ZNF835: variants seen among roughly 807,000 people sequenced by gnomAD.
ZNF835 encodes the protein zinc finger protein 835.
For missense variants in ZNF835, 783 were observed against 758.4 expected (o/e 1.03, Z -0.38); for synonymous variants, 323 against 324.7 (o/e 0.99, Z 0.06).
In ZNF835 at chr19:56,664,639, G is replaced by A. The variant is rs1289547269; in HGVS notation, c.560C>T (p.Thr187Met). ...GCGGTGCGGCTTCTCGCCCGTGTGC[G>A]TGCGCCAGTGGGACGCCAGGTACGA... ...QGSYLASHWR[T>M]HTGEKPHRCA... Residue 187 changes from threonine to methionine, a missense_variant, in exon 2 of 2, where the codon ACG becomes ATG. Coordinates refer to ENST00000537055, the MANE Select transcript of ZNF835 (RefSeq NM_001005850.3). 1 of 1,607,524 alleles carries A rather than the reference G, an allele frequency of 6.2e-7. No homozygotes were observed.
chr19:56,670,701 C>A (rs556679454), intron 1 of ZNF835, among the ~76,000 whole-genome samples: 53 of 152,338 alleles, frequency 3.5e-4, no homozygotes, highest in African/African-American at 1.2e-3. Context: ...TCCAGCATAG[C>A]CAAAGCCCAC....
chr19:56,664,198 T>A lies in ZNF835; in HGVS notation c.1001A>T (p.Tyr334Phe). ...HRRIHTGEKP[Y>F]ACGQCAKAFT... Reference sequence around the variant, plus strand: ...GGCCTTGGCGCACTGGCCGCACGCGTAGGGCTTCTCGCCTGTGTGGATGCG... The same window carrying A: ...GGCCTTGGCGCACTGGCCGCACGCGAAGGGCTTCTCGCCTGTGTGGATGCG... The change falls in exon 2 of 2, where the codon TAC (tyrosine) becomes TTC (phenylalanine). Residue 334 changes from tyrosine (Y) to phenylalanine (F), a missense_variant. Transcript: ENST00000537055. 7 of 1,605,922 alleles carry A rather than the reference T, an allele frequency of 4.4e-6. No individual in the cohort carries two copies. Among genetic ancestry groups the A allele is most frequent in the Non-Finnish European group, 6.0e-6 (7 of 1,175,606 alleles).
At chr19:56,669,084 A>G (rs8109952) in intron 1 of ZNF835, among the ~76,000 whole-genome samples, 17,109 of 152,084 alleles carry the variant, frequency 0.11, 2,451 homozygotes, top group African/African-American at 0.34. Context: ...ATCTGCTCTG[A>G]CTGGGAGGCA....
rs1212813525 is a variant in ZNF835 at position 56,662,092 on chromosome 19, C to G, written c.*1493G>C. On this transcript the variant is annotated 3_prime_UTR_variant, in exon 2 of 2. Transcript: ENST00000537055. ...CATGCTTAGGAAGGCTCTTCCTGTG[C>G]TGATCCTAGGCTTGGCTAGGAGGCT... is the stretch of plus-strand genomic sequence containing the variant. The G allele has an allele frequency of 6.6e-6, 1 of 152,178 alleles. No individual in the cohort carries two copies. The highest frequency in any genetic ancestry group is 1.5e-5 in the Non-Finnish European group (1 of 68,046). 9.4% of individuals were successfully genotyped at this position (152,178 alleles called of 1,614,324 possible). A position where few individuals can be genotyped will look rare whatever the true frequency, so the allele number is the denominator to read the frequency against.
chr19:56,666,894 C>A (rs1256850341), intron 1 of ZNF835, among the ~76,000 whole-genome samples: 1 of 152,148 alleles, frequency 6.6e-6, no homozygotes, highest in African/African-American at 2.4e-5. Flanking sequence ...ACAGAATCAG[C>A]CAACAGTGAT....
intron 1 of ZNF835, among the ~76,000 whole-genome samples, chr19:56,670,984 G>C: frequency 6.6e-6 from 1 of 152,272 alleles, no homozygotes; most frequent in Non-Finnish European, 1.5e-5. Flanking sequence ...CACCGATAAA[G>C]TGTTACATGC....
chr19:56,670,421 T>A (rs1568526709), intron 1 of ZNF835, among the ~76,000 whole-genome samples: 1 of 151,862 alleles, frequency 6.6e-6, no homozygotes, highest in Non-Finnish European at 1.5e-5. Context: ...CCCAAACCCA[T>A]ATCCAGGGAC....
chr19:56,666,486 C>T (rs899438806), intron 1 of ZNF835, among the ~76,000 whole-genome samples: 4 of 152,156 alleles, frequency 2.6e-5, no homozygotes, highest in Non-Finnish European at 5.9e-5. Context: ...AGAAGGCAGC[C>T]GTCTGCAAGC....
chr19:56,668,075 G>T (rs1013710927), intron 1 of ZNF835, among the ~76,000 whole-genome samples: 2 of 152,118 alleles, frequency 1.3e-5, no homozygotes, highest in Non-Finnish European at 2.9e-5. Flanking sequence ...TTGGCTCACT[G>T]CAACCTTCAC....
chr19:56,663,656 G>A lies in ZNF835; in HGVS notation c.1543C>T (p.Leu515Phe). Residue 515 changes from leucine to phenylalanine, a missense_variant, in exon 2 of 2, where the codon CTC (leucine) becomes TTC (phenylalanine). By Grantham distance (22) the Leu-to-Phe change is conservative. Coordinates refer to ENST00000537055, the MANE Select transcript of ZNF835 (RefSeq NM_001005850.3). ...PAPTPDSTPG[L>F]SQGGETCQQG... is the part of the protein sequence containing the mutation. ...TGACAGGTTTCTCCTCCCTGTGAGA[G>A]CCCAGGTGTTGAGTCAGGCGTGGGA... 1 of 1,614,048 alleles carries A rather than the reference G, an allele frequency of 6.2e-7. No homozygotes were observed. The highest frequency in any genetic ancestry group is 1.1e-5 in the South Asian group (1 of 91,090).
At position 56,664,947 on chromosome 19, in the gene ZNF835, G is replaced by A; in HGVS notation, c.252C>T (p.Ser84=). ...VPDDSSSRRC[S]APGESPKERH... Reference sequence around the variant, plus strand: ...TCTCCTTCGGGCTCTCCCCAGGCGCGCTGCACCTCCGGGAACTGCTGTCGT... The same window carrying A: ...TCTCCTTCGGGCTCTCCCCAGGCGCACTGCACCTCCGGGAACTGCTGTCGT... Residue 84 remains serine, a synonymous_variant, in exon 2 of 2, where the codon AGC becomes AGT. Coordinates refer to ENST00000537055, the MANE Select transcript of ZNF835 (RefSeq NM_001005850.3). The A allele has an allele frequency of 6.2e-7, 1 of 1,614,024 alleles. No individual in the cohort carries two copies. Among genetic ancestry groups the A allele is most frequent in the Non-Finnish European group, 8.5e-7 (1 of 1,179,894 alleles).
At chr19:56,671,054 G>T (rs1464541041) in intron 1 of ZNF835, among the ~76,000 whole-genome samples, 4 of 152,284 alleles carry the variant, frequency 2.6e-5, no homozygotes, top group Non-Finnish European at 5.9e-5. Context: ...CAGACACAGT[G>T]ACACTCGGGG....
rs764979088 is a variant in ZNF835, at chr19:56,665,001, G to T, written c.198C>A (p.Ser66Arg). 1 of 1,614,052 alleles carries T rather than the reference G, an allele frequency of 6.2e-7. No individual in the cohort carries two copies. The highest frequency in any genetic ancestry group is 1.3e-5 in the African/African-American group (1 of 75,072). ...GGACACTGGCTTGGGTAGCAGCAGG[G>T]CTCGATATGGTTCTTGGGATTCGGC... ...EFSRIPRTIS[S>R]PAATQASVPD... is the part of the protein sequence containing the mutation. Residue 66 changes from serine to arginine, a missense_variant, in exon 2 of 2, where the codon AGC becomes AGA. By Grantham distance (110) the Ser-to-Arg change is moderately radical (BLOSUM62 -1). Transcript: ENST00000537055.
At position 56,664,909 on chromosome 19, in the gene ZNF835, C is replaced by T. The variant is rs375699450; in HGVS notation, c.290G>A (p.Ser97Asn). The T allele has an allele frequency of 2.1e-5, 34 of 1,613,872 alleles. No homozygotes were observed. Among genetic ancestry groups the T allele is most frequent in the Non-Finnish European group, 2.9e-5 (34 of 1,179,908 alleles). ...GCCTCCACCTCTCTCCCGCTGGCGG[C>T]TGTCAGGATGCCTCTCCTTCGGGCT... ...GESPKERHPD[S>N]RQRERGGGPK... Residue 97 changes from serine to asparagine, a missense_variant, in exon 2 of 2, where the codon AGC becomes AAC. Transcript: ENST00000537055.
In ZNF835 at chr19:56,663,593, C is replaced by T. The variant is rs1600627650; in HGVS notation, c.1606G>A (p.Glu536Lys). 3.1e-6 allele frequency: 5 copies of T among 1,614,032 alleles called. No individual in the cohort carries two copies. Among genetic ancestry groups the T allele is most frequent in the Non-Finnish European group, 3.4e-6 (4 of 1,179,902 alleles). ...AAGGAGGCCCTCAGCTCTTAATCTT[C>T]TGCTGGTCCACGCGGGTTTCTGCCA... ...CPGRNPRGPA[E>K]D The change falls in exon 2 of 2, where the codon GAA (glutamate) becomes AAA (lysine). Residue 536 changes from glutamate (E) to lysine (K), a missense_variant. Glu to Lys is a moderately conservative substitution (Grantham distance 56). Transcript: ENST00000537055.
chr19:56,670,276 G>C (rs1225032702), intron 1 of ZNF835, among the ~76,000 whole-genome samples: 2 of 152,064 alleles, frequency 1.3e-5, no homozygotes, highest in Non-Finnish European at 2.9e-5. Flanking sequence ...ACCAGGAGCT[G>C]GGGATAAAGA....
chr19:56,668,765 G>A (rs1015258096), intron 1 of ZNF835, among the ~76,000 whole-genome samples: 2 of 151,966 alleles, frequency 1.3e-5, no homozygotes, highest in Non-Finnish European at 2.9e-5. Context: ...GGGGAGATGC[G>A]GTAGAGTGGG....
chr19:56,671,020 C>T (rs745707873), intron 1 of ZNF835, among the ~76,000 whole-genome samples: 15 of 152,290 alleles, frequency 9.8e-5, no homozygotes, highest in Non-Finnish European at 1.6e-4. Flanking sequence ...CCTGCCTGGG[C>T]TGGCACCACT....
rs1321502907 is a variant in ZNF835 at position 56,664,435 on chromosome 19, C to A, written c.764G>T (p.Cys255Phe). 6.2e-7 allele frequency: 1 copy of A among 1,612,544 alleles called. No individual in the cohort carries two copies. The highest frequency in any genetic ancestry group is 8.5e-7 in the Non-Finnish European group (1 of 1,179,330). Residue 255 changes from cysteine to phenylalanine, a missense_variant, in exon 2 of 2, where the codon TGC becomes TTC. Coordinates refer to ENST00000537055, the MANE Select transcript of ZNF835 (RefSeq NM_001005850.3). ...TGEKPYECSA[C>F]AKAFRFSSAL... is the part of the protein sequence containing the mutation. ...TGAGGAGAAGCGGAAGGCCTTGGCG[C>A]ACGCGGAGCACTCGTAGGGCTTCTC...
Sources: gnomAD v4.1 joint callset for allele counts (sites outside exome capture counted in the v4.1 genomes callset) on GRCh38, gnomAD v4.1.1 for gene constraint, MANE v1.5 for transcripts, NCBI Gene and HGNC (gene_info 2026-07-23, HGNC 2026-07-21) for gene names.